PTPRS: variants seen among roughly 807,000 people sequenced by gnomAD.
PTPRS encodes the protein receptor-type tyrosine-protein phosphatase S.
In PTPRS, 63 loss-of-function variants were observed where a neutral mutation model predicts 215.3. The ratio of observed to expected loss-of-function variants is 0.29; its 90% CI spans 0.24 to 0.36. The LOEUF is 0.36. Among genes scored for constraint, PTPRS ranks in the 10% least tolerant of loss-of-function variants. The probability of loss-of-function intolerance (pLI) is 1.00; values close to 1 mark genes in which losing one functional copy is unlikely to be tolerated. For missense variants in PTPRS, 2,258 were observed against 2,825.8 expected, an observed-to-expected ratio of 0.80 and a Z score of 4.56; for synonymous variants, 1,404 against 1,191.4, an observed-to-expected ratio of 1.18 and a Z score of -3.68.
intron 12 of PTPRS, among the ~76,000 whole-genome samples, chr19:5,239,799 G>GA (rs1201536813): frequency 1.6e-4 from 24 of 151,540 alleles, no homozygotes; most frequent in African/African-American, 3.6e-4. Context: ...GATGGAGACA[G>GA]AAAAAAAACA....
rs551396124 is a variant in PTPRS at position 5,237,452 on chromosome 19, G to T, written c.1849+1467C>A. ...GGCCGAAGCCGCTTTCTAGGTGACC[G>T]TGTAGGTCACGTCCTTCACAATCCG... On this transcript the variant is annotated intron_variant, in intron 13 of 37. Transcript: ENST00000262963. This position sits in a 1 kb window ranked among gnomAD's most constrained non-coding sequence, Gnocchi z 4.2. Among the ~76,000 whole-genome samples, 3 of 152,236 alleles carry T rather than the reference G, an allele frequency of 2.0e-5. No individual in the cohort carries two copies. Among genetic ancestry groups the T allele is most frequent in the Non-Finnish European group, 2.9e-5 (2 of 68,042 alleles).
In PTPRS at chr19:5,287,964, GCACACACACACACA is replaced by G. The variant is rs3042434; in HGVS notation, c.-94-1744_-94-1731del. ...TCACACAGTCAGGCAGCAGAGACGG[GCACACACACACACA>G]CACACACACACACACACACACACAC... On this transcript the variant is annotated intron_variant, in intron 1 of 37. Transcript: ENST00000262963. This position sits in a 1 kb window ranked among gnomAD's most constrained non-coding sequence, Gnocchi z 4.8. 1.5e-3 allele frequency among the ~76,000 whole-genome samples: 201 copies of G among 133,364 alleles called. No homozygotes were observed. The highest frequency in any genetic ancestry group is 2.8e-3 in the African/African-American group (100 of 35,646). The allele number at this position is 133,364 out of a possible 152,430, so 87.5% of individuals were successfully genotyped here.
At chr19:5,277,206 C>T (rs2146674950) in intron 2 of PTPRS, among the ~76,000 whole-genome samples, 1 of 152,084 alleles carries the variant, frequency 6.6e-6, no homozygotes, top group East Asian at 1.9e-4. Flanking sequence ...ACTACAGGTA[C>T]CCACAGCCAC....
chr19:5,317,594 T>C (rs1257680705), intron 1 of PTPRS, among the ~76,000 whole-genome samples: 1 of 152,212 alleles, frequency 6.6e-6, no homozygotes, highest in Non-Finnish European at 1.5e-5. Context: ...AACAGAATCC[T>C]AGATTTTCCA....
intron 20 of PTPRS, among the ~76,000 whole-genome samples, chr19:5,220,760 C>T (rs114954142): frequency 6.6e-6 from 1 of 152,194 alleles, no homozygotes; most frequent in African/African-American, 2.4e-5. Context: ...CTAGTAATAC[C>T]CAGTGGAGGG....
At chr19:5,232,321 CATTT>C (rs2043085993) in intron 13 of PTPRS, among the ~76,000 whole-genome samples, 1 of 146,198 alleles carries the variant, frequency 6.8e-6, no homozygotes, top group Non-Finnish European at 1.5e-5. Flanking sequence ...ACAGAAGCTC[CATTT>C]ATTAGGCACC....
At chr19:5,238,038 C>T (rs570770814) in intron 13 of PTPRS, among the ~76,000 whole-genome samples, 23 of 152,150 alleles carry the variant, frequency 1.5e-4, no homozygotes, top group African/African-American at 3.9e-4. Context: ...GTGGCTACGC[C>T]GTGACTGACT....
chr19:5,229,907 C>A (rs907764824), intron 14 of PTPRS, among the ~76,000 whole-genome samples: 1 of 98,502 alleles, frequency 1.0e-5, no homozygotes, highest in Non-Finnish European at 1.9e-5. Flanking sequence ...TCCAGGCTGC[C>A]CCCCCCCGAG....
chr19:5,282,710 G>A (rs931967357), intron 2 of PTPRS, among the ~76,000 whole-genome samples: 29 of 151,782 alleles, frequency 1.9e-4, no homozygotes, highest in African/African-American at 7.0e-4. Context: ...GCTGAGGCAG[G>A]AGAACTGCTT....
intron 2 of PTPRS, chr19:5,278,052 C>T (rs1023416408): frequency 8.2e-6 from 9 of 1,103,430 alleles, no homozygotes; most frequent in East Asian, 2.5e-5. Context: ...CTCCAAGAAA[C>T]GCAAAACCAA....
chr19:5,215,065 ACTG>A (rs962285753), intron 28 of PTPRS, among the ~76,000 whole-genome samples: 3 of 152,370 alleles, frequency 2.0e-5, no homozygotes, highest in African/African-American at 7.2e-5. Context: ...GGGCAGCAAA[ACTG>A]CTCTGATTGG....
At chr19:5,271,056 G>C (rs1388265348) in intron 4 of PTPRS, among the ~76,000 whole-genome samples, 1 of 152,134 alleles carries the variant, frequency 6.6e-6, no homozygotes, top group African/African-American at 2.4e-5. Context: ...CCCCTCCCAG[G>C]GCTCCAAGCT....
chr19:5,242,114 G>A (rs1184116305), intron 11 of PTPRS, among the ~76,000 whole-genome samples: 2 of 152,172 alleles, frequency 1.3e-5, no homozygotes, highest in African/African-American at 4.8e-5. Flanking sequence ...GATTACAGGC[G>A]TGGGCCACCA....
rs369053449 is a variant in PTPRS, at chr19:5,220,978, C to T, written c.3455+22G>A. ...AGGCTGATGGGGGTGACAAGGAACCCGGAGCATGGGGGTGAGCATACTGGA... is the reference window on the plus strand; with the variant it reads ...AGGCTGATGGGGGTGACAAGGAACCTGGAGCATGGGGGTGAGCATACTGGA... On this transcript the variant is annotated intron_variant, in intron 20 of 37. Transcript: ENST00000262963. 119 of 1,583,926 alleles carry T rather than the reference C, an allele frequency of 7.5e-5. 1 individual carries two copies. The highest frequency in any genetic ancestry group is 6.4e-4 in the Admixed American group (37 of 57,926).
In PTPRS at chr19:5,218,405, G is replaced by A; in HGVS notation, c.4048+15C>T. The A allele has an allele frequency of 1.5e-5, 24 of 1,607,018 alleles. No individual in the cohort carries two copies. The highest frequency in any genetic ancestry group is 2.0e-5 in the Non-Finnish European group (24 of 1,175,330). On this transcript the variant is annotated intron_variant, in intron 25 of 37. Transcript: ENST00000262963. ...CCTGTTGGTGGCATCCCTGGTACCA[G>A]GGATAAGTACATACCTGGAGTCTGG... is the stretch of plus-strand genomic sequence containing the variant.
chr19:5,277,393 T>C (rs1389812471), intron 2 of PTPRS, among the ~76,000 whole-genome samples: 6 of 152,028 alleles, frequency 3.9e-5, no homozygotes, highest in South Asian at 4.1e-4. Flanking sequence ...CGGTGGCTCA[T>C]GCCTGTAATC....
intron 1 of PTPRS, among the ~76,000 whole-genome samples, chr19:5,337,345 C>A (rs2050537886): frequency 6.6e-6 from 1 of 152,228 alleles, no homozygotes; most frequent in Non-Finnish European, 1.5e-5. Flanking sequence ...AGCAGGTGAA[C>A]GCGGGGCCAC....
At chr19:5,308,679 G>A (rs898737585) in intron 1 of PTPRS, among the ~76,000 whole-genome samples, 5 of 152,206 alleles carry the variant, frequency 3.3e-5, no homozygotes, top group Admixed American at 6.5e-5. Flanking sequence ...GGTGGGCAGG[G>A]ACCTGGCAGC....
chr19:5,334,998 T>C (rs1600152515), intron 1 of PTPRS, among the ~76,000 whole-genome samples: 1 of 151,980 alleles, frequency 6.6e-6, no homozygotes, highest in Non-Finnish European at 1.5e-5. Context: ...ATCACGGGGG[T>C]TAATTATAAG....
Sources: gnomAD v4.1 joint callset for allele counts (sites outside exome capture counted in the v4.1 genomes callset) on GRCh38, gnomAD v4.1.1 for gene constraint, Gnocchi (gnomAD v3.1) non-coding constraint, MANE v1.5 for transcripts, NCBI Gene and HGNC (gene_info 2026-07-23, HGNC 2026-07-21) for gene names.